SIDT1: variants seen among roughly 807,000 people sequenced by gnomAD.
SIDT1 encodes the protein SID1 transmembrane family, member 1.
A neutral mutation model predicts 107.5 loss-of-function variants in SIDT1; 101 were observed. That is an observed-to-expected ratio of 0.94 (90% CI 0.80 to 1.11). SIDT1 has a LOEUF of 1.11. Ranked by LOEUF, SIDT1 falls within the 50% of genes least tolerant of loss-of-function variation. The probability of loss-of-function intolerance (pLI) is 0.00; values close to 1 mark genes in which losing one functional copy is unlikely to be tolerated. For synonymous variants in SIDT1, 395 were observed against 398.2 expected (o/e 0.99, Z 0.10); for missense variants, 1,076 against 1,058.2 (o/e 1.02, Z -0.23).
At position 113,584,267 on chromosome 3, in the gene SIDT1, T is replaced by C. The variant is rs145868031; in HGVS notation, c.836-431T>C. 1.3e-3 allele frequency among the ~76,000 whole-genome samples: 195 copies of C among 152,318 alleles called. 1 individual carries two copies. Among genetic ancestry groups the C allele is most frequent in the African/African-American group, 4.5e-3 (186 of 41,578 alleles). On this transcript the variant is annotated intron_variant, in intron 7 of 24. Coordinates refer to ENST00000264852, the MANE Select transcript of SIDT1 (RefSeq NM_017699.3). Reference sequence around the variant, plus strand: ...TTTGCCAATGTCAAATATTCCTTGGTAAACTACAAGCCCTTTCATGACTAT... The same window carrying C: ...TTTGCCAATGTCAAATATTCCTTGGCAAACTACAAGCCCTTTCATGACTAT...
chr3:113,611,325 C>A (rs1206197092), intron 18 of SIDT1, among the ~76,000 whole-genome samples, 181 bp downstream of exon 18: 1 of 152,162 alleles, frequency 6.6e-6, no homozygotes, highest in Admixed American at 6.5e-5. Flanking sequence ...TCATGGCACA[C>A]TTTTACTTAG....
downstream of SIDT1, among the ~76,000 whole-genome samples, chr3:113,631,685 A>G (rs1947096313): frequency 6.6e-6 from 1 of 152,190 alleles, no homozygotes; most frequent in African/African-American, 2.4e-5. Flanking sequence ...TTCACCACTG[A>G]GTTTCTAGAA....
At chr3:113,573,491 G>T (rs769492985) in intron 3 of SIDT1, among the ~76,000 whole-genome samples, 1 of 152,220 alleles carries the variant, frequency 6.6e-6, no homozygotes, top group Non-Finnish European at 1.5e-5. Flanking sequence ...AGTAGACACA[G>T]CCAGAGGTGT....
intron 1 of SIDT1, among the ~76,000 whole-genome samples, chr3:113,541,143 TACAC>T (rs34408872): frequency 0.17 from 24,706 of 147,662 alleles, 3,222 homozygotes; most frequent in African/African-American, 0.36. Context: ...TACACACACA[TACAC>T]ACACACACAC....
intron 15 of SIDT1, among the ~76,000 whole-genome samples, chr3:113,607,664 G>T (rs866564969): frequency 6.6e-6 from 1 of 152,300 alleles, no homozygotes; most frequent in Middle Eastern, 3.4e-3. Context: ...AAATAAAGCT[G>T]CTGGCTATGA....
chr3:113,564,396 T>C (rs1203041951), intron 1 of SIDT1, among the ~76,000 whole-genome samples: 1 of 152,222 alleles, frequency 6.6e-6, no homozygotes, highest in Non-Finnish European at 1.5e-5. Context: ...ATCTGAAAAT[T>C]CTTCAGAGCC....
chr3:113,546,064 A>T (rs189416794), intron 1 of SIDT1, among the ~76,000 whole-genome samples: 2 of 152,368 alleles, frequency 1.3e-5, no homozygotes, highest in African/African-American at 4.8e-5. Flanking sequence ...GAGGCAGAGC[A>T]GTACTGGGGA....
chr3:113,570,466 C>CT (rs1942352702), intron 3 of SIDT1, among the ~76,000 whole-genome samples: 1 of 152,178 alleles, frequency 6.6e-6, no homozygotes, highest in African/African-American at 2.4e-5. Context: ...TTATTAGAAC[C>CT]TTTTGAGAAC....
intron 3 of SIDT1, among the ~76,000 whole-genome samples, chr3:113,576,287 G>A (rs1017706386): frequency 3.9e-5 from 6 of 152,096 alleles, no homozygotes; most frequent in Non-Finnish European, 5.9e-5. Context: ...ATATTCTTTT[G>A]GTGGTATTTA....
At chr3:113,549,846 C>T (rs780351744) in intron 1 of SIDT1, among the ~76,000 whole-genome samples, 4 of 152,078 alleles carry the variant, frequency 2.6e-5, no homozygotes, top group Non-Finnish European at 5.9e-5. Context: ...TTCTCCTACG[C>T]TATCTTTTGG....
At chr3:113,572,996 C>CTT (rs67858249) in intron 3 of SIDT1, among the ~76,000 whole-genome samples, 24 of 145,634 alleles carry the variant, frequency 1.6e-4, no homozygotes, top group Non-Finnish European at 2.4e-4. Context: ...ATTTACATTC[C>CTT]TTTTTTTTTT....
chr3:113,613,748 G>A (rs139958401), intron 19 of SIDT1, among the ~76,000 whole-genome samples: 75 of 152,326 alleles, frequency 4.9e-4, no homozygotes, highest in African/African-American at 1.6e-3. Flanking sequence ...AAACTTGAGT[G>A]CAGATATATG....
downstream of SIDT1, chr3:113,632,555 T>C (rs1407995220): frequency 6.6e-6 from 1 of 151,982 alleles, no homozygotes; most frequent in Non-Finnish European, 1.5e-5. Flanking sequence ...TTTGAGGGGG[T>C]GCATTTCCCC....
At chr3:113,556,590 C>G (rs978105872) in intron 1 of SIDT1, among the ~76,000 whole-genome samples, 1 of 152,146 alleles carries the variant, frequency 6.6e-6, no homozygotes, top group Non-Finnish European at 1.5e-5. Flanking sequence ...TTTGACCAAA[C>G]AGAGATTCAT....
chr3:113,566,497 G>C lies in SIDT1; in HGVS notation c.300G>C (p.Gln100His). The C allele has an allele frequency of 6.2e-7, 1 of 1,614,222 alleles. No individual in the cohort carries two copies. The highest frequency in any genetic ancestry group is 1.1e-5 in the South Asian group (1 of 91,080). ...NYPVLVVVRQ[Q>H]KEVLSWQVPL... ...CGGTCCTTGTTGTGGTTCGCCAGCA[G>C]AAAGAGGTGCTGTCCTGGCAGGTTC... The change falls in exon 2 of 25, where the codon CAG (glutamine) becomes CAC (histidine). Residue 100 changes from glutamine to histidine, a missense_variant. Coordinates refer to ENST00000264852, the MANE Select transcript of SIDT1 (RefSeq NM_017699.3).
chr3:113,633,929 GACTA>G (rs1947108550), downstream of SIDT1, among the ~76,000 whole-genome samples: 1 of 152,150 alleles, frequency 6.6e-6, no homozygotes, highest in Admixed American at 6.5e-5. Flanking sequence ...ATCATGTTGG[GACTA>G]ACAGGGAAGC....
rs142838713 is a variant in SIDT1, at chr3:113,590,484, A to G, written c.1002-2521A>G. ...TAATGACTTTATTGAGATACAATTC[A>G]TAGACCATAAAATTCGCCCCTTTAA... is the stretch of plus-strand genomic sequence containing the variant. On this transcript the variant is annotated intron_variant, in intron 9 of 24. Transcript: ENST00000264852. Among the ~76,000 whole-genome samples, 193 of 152,354 alleles carry G rather than the reference A, an allele frequency of 1.3e-3. 1 individual carries two copies. Among genetic ancestry groups the G allele is most frequent in the African/African-American group, 4.4e-3 (184 of 41,584 alleles).
chr3:113,571,517 G>A (rs1240293661), intron 3 of SIDT1, among the ~76,000 whole-genome samples: 3 of 90,518 alleles, frequency 3.3e-5, no homozygotes, highest in Admixed American at 1.0e-4. Context: ...CACATAAACT[G>A]TGCCACTACT....
At chr3:113,558,557 A>G (rs564542561) in intron 1 of SIDT1, among the ~76,000 whole-genome samples, 1 of 152,212 alleles carries the variant, frequency 6.6e-6, no homozygotes, top group Admixed American at 6.5e-5. Context: ...AGACAGACTT[A>G]CTGCCTGTTA....
Sources: allele counts gnomAD v4.1 joint callset (sites outside exome capture counted in the v4.1 genomes callset), GRCh38; gene constraint gnomAD v4.1.1; transcripts MANE v1.5; gene names NCBI Gene and HGNC (gene_info 2026-07-23, HGNC 2026-07-21).